The following L3MBTL3 variants were observed in gnomAD, a reference collection of about 807,000 sequenced individuals.
L3MBTL3 encodes the protein lethal(3)malignant brain tumor-like protein 3.
A neutral mutation model predicts 102.3 loss-of-function variants in L3MBTL3; 27 were observed. The observed-to-expected ratio is 0.26, with a 90% CI of 0.19 to 0.36. The LOEUF (loss-of-function observed/expected upper bound fraction) is 0.36. Ranked by LOEUF, L3MBTL3 falls within the 10% of genes least tolerant of loss-of-function variation. L3MBTL3 has a pLI of 1.00. For missense variants in L3MBTL3, 798 were observed against 955.3 expected, an observed-to-expected ratio of 0.84 and a Z score of 2.17; for synonymous variants, 340 against 320.9, an observed-to-expected ratio of 1.06 and a Z score of -0.64.
Position 130,105,655 on chromosome 6 carries a change from A to G in L3MBTL3, c.1886+1080A>G, listed in dbSNP as rs148826811. On this transcript the variant is annotated intron_variant, in intron 19 of 22. Transcript: ENST00000361794. ...AAAAAAAAAATTAACTTTAAAACAT[A>G]TAACGGTTATTAACTCATGTAGACA... 5.4e-3 allele frequency among the ~76,000 whole-genome samples: 818 copies of G among 152,074 alleles called. 7 individuals carry two copies. Among genetic ancestry groups the G allele is most frequent in the Middle Eastern group, 0.034 (10 of 294 alleles).
At chr6:130,050,649 C>T (rs947150703) in intron 5 of L3MBTL3, among the ~76,000 whole-genome samples, 3 of 152,170 alleles carry the variant, frequency 2.0e-5, no homozygotes, top group Non-Finnish European at 4.4e-5. Context: ...TGTGAGCTCT[C>T]TTGGGCAAGG....
At chr6:130,115,408 G>A (rs1324974086) in intron 19 of L3MBTL3, among the ~76,000 whole-genome samples, 1 of 152,170 alleles carries the variant, frequency 6.6e-6, no homozygotes, top group Non-Finnish European at 1.5e-5. Flanking sequence ...ACTTAAAGAG[G>A]TGGCGGAAAT....
At chr6:130,084,233 A>G (rs1349680598) in intron 15 of L3MBTL3, among the ~76,000 whole-genome samples, 4 of 152,196 alleles carry the variant, frequency 2.6e-5, no homozygotes, top group Admixed American at 1.3e-4. Flanking sequence ...TAAGATTCAA[A>G]TGAACCTCAT....
chr6:130,044,642 C>T (rs1223186013), intron 3 of L3MBTL3, among the ~76,000 whole-genome samples: 4 of 152,052 alleles, frequency 2.6e-5, no homozygotes, highest in African/African-American at 4.8e-5. Context: ...GGGTAATTGC[C>T]ATGTATCCAA....
intron 14 of L3MBTL3, among the ~76,000 whole-genome samples, chr6:130,082,535 G>A (rs1783430794): frequency 6.6e-6 from 1 of 152,048 alleles, no homozygotes; most frequent in African/African-American, 2.4e-5. Flanking sequence ...ACCAGTTATA[G>A]CCCCTTTAGG....
intron 3 of L3MBTL3, among the ~76,000 whole-genome samples, chr6:130,043,693 A>G (rs1780566670): frequency 1.3e-5 from 2 of 152,146 alleles, no homozygotes; most frequent in Admixed American, 6.6e-5. Context: ...TTGAATAGAA[A>G]TTCTTGCTCC....
intron 22 of L3MBTL3, among the ~76,000 whole-genome samples, chr6:130,135,633 C>A (rs1204268045): frequency 6.6e-6 from 1 of 152,030 alleles, no homozygotes; most frequent in Non-Finnish European, 1.5e-5. Context: ...TTATTCATGG[C>A]AGATTGTCTT....
Position 130,066,333 on chromosome 6 carries a change from A to G in L3MBTL3, c.865-20A>G, listed in dbSNP as rs1032946766. The G allele has an allele frequency of 6.3e-6, 9 of 1,429,734 alleles. No homozygotes were observed. In the African/African-American group the frequency reaches 1.2e-4, roughly 18 times the overall value. 88.6% of individuals were successfully genotyped at this position (1,429,734 alleles called of 1,614,324 possible). ...ATTCTGAGTTAAAAAAAATAATTCA[A>G]CCTATTTTACCTGTTTCAGGTTTGT... On this transcript the variant is annotated intron_variant, in intron 10 of 22. Transcript: ENST00000361794.
intron 18 of L3MBTL3, among the ~76,000 whole-genome samples, chr6:130,101,021 T>C (rs1223005169): frequency 6.6e-6 from 1 of 152,208 alleles, no homozygotes; most frequent in Non-Finnish European, 1.5e-5. Flanking sequence ...GGTCATGATA[T>C]TCGAGGAATA....
intron 19 of L3MBTL3, among the ~76,000 whole-genome samples, chr6:130,117,298 G>T (rs999696270): frequency 6.7e-6 from 1 of 150,030 alleles, no homozygotes; most frequent in East Asian, 2.0e-4. Flanking sequence ...CAAAGGACAC[G>T]AACTCATCAT....
At chr6:130,033,882 A>T (rs1385440124) in intron 2 of L3MBTL3, among the ~76,000 whole-genome samples, 1 of 152,224 alleles carries the variant, frequency 6.6e-6, no homozygotes, top group African/African-American at 2.4e-5. Context: ...ATATTTGGAG[A>T]ACAGTGGTTT....
At chr6:130,124,977 A>C (rs946887882) in intron 20 of L3MBTL3, among the ~76,000 whole-genome samples, 2 of 152,152 alleles carry the variant, frequency 1.3e-5, no homozygotes, top group East Asian at 3.9e-4. Context: ...TCTCAAAAAA[A>C]AAAAAATAAA....
chr6:130,086,052 C>G, intron 15 of L3MBTL3, 88 bp from the exon 16 acceptor site: 1 of 931,248 alleles, frequency 1.1e-6, no homozygotes, highest in Non-Finnish European at 1.7e-6. Flanking sequence ...CGCGCCTGGC[C>G]AGCTTTTTCT....
intron 12 of L3MBTL3, among the ~76,000 whole-genome samples, chr6:130,070,480 C>G (rs1263204518): frequency 6.6e-6 from 1 of 152,124 alleles, no homozygotes; most frequent in Admixed American, 6.5e-5. Flanking sequence ...ATGAAGATGA[C>G]CTACTTTCGA....
At chr6:130,093,549 T>C (rs1784183109) in intron 17 of L3MBTL3, among the ~76,000 whole-genome samples, 1 of 152,146 alleles carries the variant, frequency 6.6e-6, no homozygotes, top group Non-Finnish European at 1.5e-5. Context: ...ATAACAAAGC[T>C]TGGGGAAAAA....
intron 19 of L3MBTL3, among the ~76,000 whole-genome samples, chr6:130,108,251 T>TTTTTTTTTTTG (rs71028195): frequency 6.8e-6 from 1 of 147,596 alleles, no homozygotes; most frequent in Non-Finnish European, 1.5e-5. Flanking sequence ...TTTTTTTTTT[T>TTTTTTTTTTTG]TTAGATGGAG....
intron 2 of L3MBTL3, among the ~76,000 whole-genome samples, chr6:130,030,421 G>A (rs1242050512): frequency 4.6e-5 from 7 of 151,906 alleles, no homozygotes; most frequent in African/African-American, 1.7e-4. Flanking sequence ...CCAGTACTTT[G>A]GGAGGCTGAG....
At chr6:130,131,980 T>TA (rs1198178405) in intron 20 of L3MBTL3, among the ~76,000 whole-genome samples, 1 of 152,172 alleles carries the variant, frequency 6.6e-6, no homozygotes, top group African/African-American at 2.4e-5. Context: ...TCAGACCCAG[T>TA]AGGTATCAGC....
intron 2 of L3MBTL3, among the ~76,000 whole-genome samples, chr6:130,023,584 T>C (rs1170312895): frequency 6.6e-6 from 1 of 152,216 alleles, no homozygotes; most frequent in East Asian, 1.9e-4. Flanking sequence ...ACCTTGTATA[T>C]GTCACTCTAC....
Sources: gnomAD v4.1 joint callset for allele counts (sites outside exome capture counted in the v4.1 genomes callset) on GRCh38, gnomAD v4.1.1 for gene constraint, MANE v1.5 for transcripts, NCBI Gene and HGNC (gene_info 2026-07-23, HGNC 2026-07-21) for gene names.